NRXN3: variants seen among roughly 807,000 people sequenced by gnomAD.
The protein encoded by NRXN3 is neurexin III.
In NRXN3, 32 loss-of-function variants were observed where a neutral mutation model predicts 137.6. That is an observed-to-expected ratio of 0.23 (90% CI 0.18 to 0.31). The LOEUF (loss-of-function observed/expected upper bound fraction) is 0.31, where lower values mean the gene tolerates loss of function less well. Among genes scored for constraint, NRXN3 ranks in the 10% least tolerant of loss-of-function variants. The pLI is 1.00. For missense variants in NRXN3, 1,574 were observed against 2,062.5 expected, an observed-to-expected ratio of 0.76 and a Z score of 4.59; for synonymous variants, 798 against 784.5, an observed-to-expected ratio of 1.02 and a Z score of -0.29.
At chr14:79,489,057 T>C (rs2096685679) in intron 16 of NRXN3, among the ~76,000 whole-genome samples, 1 of 152,198 alleles carries the variant, frequency 6.6e-6, no homozygotes, top group South Asian at 2.1e-4. Flanking sequence ...GCAGTGTGCA[T>C]AACATCATGT....
chr14:79,086,935 A>G (rs2048235466), intron 15 of NRXN3, among the ~76,000 whole-genome samples: 1 of 152,160 alleles, frequency 6.6e-6, no homozygotes, highest in African/African-American at 2.4e-5. Context: ...AATTATGTCA[A>G]TTGTCTGTAA....
Position 78,917,988 on chromosome 14 carries a change from G to GAAA in NRXN3, c.2276-39241_2276-39239dup, listed in dbSNP as rs71131666. 2.3e-3 allele frequency among the ~76,000 whole-genome samples: 242 copies of GAAA among 107,482 alleles called. 5 individuals are homozygous for GAAA. The highest frequency in any genetic ancestry group is 0.015 in the Middle Eastern group (3 of 202). 70.5% of individuals were successfully genotyped at this position (107,482 alleles called of 152,430 possible). A position where few individuals can be genotyped will look rare whatever the true frequency, so the allele number is the denominator to read the frequency against. ...AAAAAAAATAAAAAAATAAAAAAAT[G>GAAA]AAAAAAAAAAAAAAAGGCCAGGCAT... On this transcript the variant is annotated intron_variant, in intron 10 of 20. Transcript: ENST00000335750.
chr14:79,341,372 G>C (rs990567023), intron 15 of NRXN3, among the ~76,000 whole-genome samples: 1 of 152,066 alleles, frequency 6.6e-6, no homozygotes. Flanking sequence ...AAGACCTTTC[G>C]CTGCAAATCC....
chr14:78,756,724 G>A (rs891228454), intron 8 of NRXN3, among the ~76,000 whole-genome samples: 19 of 152,250 alleles, frequency 1.2e-4, no homozygotes, highest in Admixed American at 1.2e-3. Context: ...GAAGAACTGA[G>A]GAATTTGCAC....
intron 10 of NRXN3, among the ~76,000 whole-genome samples, chr14:78,907,798 C>T (rs2099222895): frequency 6.6e-6 from 1 of 151,848 alleles, no homozygotes; most frequent in Non-Finnish European, 1.5e-5. Flanking sequence ...CTCCCACCCT[C>T]CACCCTCTGA....
At chr14:79,840,747 G>A in intron 20 of NRXN3, among the ~76,000 whole-genome samples, 1 of 152,098 alleles carries the variant, frequency 6.6e-6, no homozygotes, top group East Asian at 1.9e-4. Flanking sequence ...CACGATGTCT[G>A]GCAGAGACTA....
intron 15 of NRXN3, among the ~76,000 whole-genome samples, chr14:79,093,111 T>C (rs758412591): frequency 3.2e-4 from 48 of 152,162 alleles, no homozygotes; most frequent in Non-Finnish European, 6.5e-4. Context: ...ATACAGTCCA[T>C]TCATTGTCAA....
intron 4 of NRXN3, among the ~76,000 whole-genome samples, chr14:78,485,821 C>A (rs2095551645): frequency 6.6e-6 from 1 of 152,138 alleles, no homozygotes; most frequent in East Asian, 1.9e-4. Flanking sequence ...AAATTATTTG[C>A]TATTAACAGA....
intron 19 of NRXN3, among the ~76,000 whole-genome samples, chr14:79,776,872 A>G (rs2099098755): frequency 6.6e-6 from 1 of 152,228 alleles, no homozygotes; most frequent in Non-Finnish European, 1.5e-5. Context: ...CTGATCGCCA[A>G]CTGCAAAAAT....
chr14:78,516,847 C>T (rs988695091), intron 4 of NRXN3, among the ~76,000 whole-genome samples: 1 of 152,102 alleles, frequency 6.6e-6, no homozygotes, highest in Non-Finnish European at 1.5e-5. Flanking sequence ...GAAAGTAAAT[C>T]TGATCATTAA....
intron 15 of NRXN3, among the ~76,000 whole-genome samples, chr14:79,195,149 C>T (rs1376036351): frequency 6.6e-6 from 1 of 152,068 alleles, no homozygotes; most frequent in East Asian, 1.9e-4. Context: ...TCAGAGCATT[C>T]AAGCCAGACC....
intron 7 of NRXN3, among the ~76,000 whole-genome samples, chr14:78,710,911 T>C (rs1476048715): frequency 3.3e-5 from 5 of 152,166 alleles, no homozygotes; most frequent in Non-Finnish European, 7.4e-5. Context: ...AGCCTTCAAA[T>C]TAAATGTGCT....
At chr14:79,548,174 C>T (rs928528191) in intron 16 of NRXN3, among the ~76,000 whole-genome samples, 1 of 152,120 alleles carries the variant, frequency 6.6e-6, no homozygotes, top group Non-Finnish European at 1.5e-5. Context: ...TCTCCTAATA[C>T]TATCCCTCCC....
chr14:79,362,049 TC>T (rs564253386), intron 15 of NRXN3, among the ~76,000 whole-genome samples: 1 of 147,490 alleles, frequency 6.8e-6, no homozygotes, highest in African/African-American at 2.5e-5. Flanking sequence ...AACCTCTGCC[TC>T]CAGGTTTCCA....
chr14:79,580,958 G>A (rs1037718228), intron 16 of NRXN3, among the ~76,000 whole-genome samples: 2 of 151,962 alleles, frequency 1.3e-5, no homozygotes, highest in African/African-American at 4.8e-5. Flanking sequence ...TTATTTCCAA[G>A]TCTGTAGAAT....
intron 4 of NRXN3, among the ~76,000 whole-genome samples, chr14:78,572,428 C>T (rs61307627): frequency 6.6e-6 from 1 of 152,170 alleles, no homozygotes; most frequent in Non-Finnish European, 1.5e-5. Context: ...CCCTCTATGG[C>T]TTTTTGCACA....
chr14:78,304,992 A>G (rs1337518572), intron 4 of NRXN3, among the ~76,000 whole-genome samples: 1 of 152,256 alleles, frequency 6.6e-6, no homozygotes, highest in Non-Finnish European at 1.5e-5. Flanking sequence ...TGCATGAGTC[A>G]TAAGTTTTTG....
chr14:78,822,857 G>A (rs1033113073), intron 10 of NRXN3, among the ~76,000 whole-genome samples: 1 of 152,108 alleles, frequency 6.6e-6, no homozygotes, highest in African/African-American at 2.4e-5. Flanking sequence ...AAGTGTTAAT[G>A]CCTAAATGAA....
At chr14:78,454,488 T>C (rs2094632497) in intron 4 of NRXN3, among the ~76,000 whole-genome samples, 1 of 152,234 alleles carries the variant, frequency 6.6e-6, no homozygotes, top group Admixed American at 6.5e-5. Context: ...GTTGGAATGG[T>C]AATGATATTT....
Sources: allele counts gnomAD v4.1 joint callset (sites outside exome capture counted in the v4.1 genomes callset), GRCh38; gene constraint gnomAD v4.1.1; transcripts MANE v1.5; gene names NCBI Gene and HGNC (gene_info 2026-07-23, HGNC 2026-07-21).